Variants in DAPK1 observed in about 807,000 individuals in gnomAD.
DAPK1 encodes death associated protein kinase 1, also known as death-associated protein kinase 1.
DAPK1 carries 56 observed loss-of-function variants against 144.9 expected under a neutral mutation model. The observed-to-expected ratio is 0.39, with a 90% CI of 0.31 to 0.48. DAPK1 has a LOEUF of 0.48. Ranked by LOEUF, DAPK1 falls within the 20% of genes least tolerant of loss-of-function variation. The pLI is 0.95. For synonymous variants in DAPK1, 690 were observed against 749.0 expected, an observed-to-expected ratio of 0.92 and a Z score of 1.29; for missense variants, 1,454 against 1,875.4, an observed-to-expected ratio of 0.78 and a Z score of 4.15.
intron 2 of DAPK1, among the ~76,000 whole-genome samples, chr9:87,566,878 C>G (rs887786705): frequency 6.6e-6 from 1 of 152,162 alleles, no homozygotes; most frequent in Non-Finnish European, 1.5e-5. Context: ...AATTTTATCA[C>G]AGCATACAGG....
chr9:87,500,916 T>C (rs1395747147), intron 2 of DAPK1, among the ~76,000 whole-genome samples: 1 of 152,218 alleles, frequency 6.6e-6, no homozygotes, highest in Non-Finnish European at 1.5e-5. Context: ...AAAAATGAAA[T>C]GTACAGACTC....
intron 2 of DAPK1, among the ~76,000 whole-genome samples, chr9:87,502,048 C>T (rs1337564254): frequency 6.6e-6 from 1 of 152,124 alleles, no homozygotes; most frequent in Non-Finnish European, 1.5e-5. Context: ...TAGATATTAT[C>T]TGTAGACTGG....
chr9:87,544,902 AG>A (rs1826184722), intron 2 of DAPK1, among the ~76,000 whole-genome samples: 2 of 152,318 alleles, frequency 1.3e-5, no homozygotes, highest in South Asian at 4.1e-4. Flanking sequence ...CAGCAAGGTG[AG>A]GTAGGGACAC....
chr9:87,702,961 C>T, intron 24 of DAPK1, 68 bp from the exon 25 acceptor site: 1 of 729,696 alleles, frequency 1.4e-6, no homozygotes, highest in Admixed American at 1.9e-5. Context: ...GTGTCCTTTC[C>T]ACTGTGGCTC....
chr9:87,544,771 CA>C (rs1826179283), intron 2 of DAPK1, among the ~76,000 whole-genome samples: 1 of 152,104 alleles, frequency 6.6e-6, no homozygotes, highest in African/African-American at 2.4e-5. Context: ...TTTTAAAAGG[CA>C]TGTTTAAGAC....
At chr9:87,586,203 A>T (rs887664490) in intron 2 of DAPK1, among the ~76,000 whole-genome samples, 1 of 152,142 alleles carries the variant, frequency 6.6e-6, no homozygotes, top group Non-Finnish European at 1.5e-5. Context: ...TGGGAGGATT[A>T]CTTGAGCCCA....
At chr9:87,640,997 C>T (rs1830075153) in intron 9 of DAPK1, 150 bp downstream of exon 9, 1 of 781,436 alleles carries the variant, frequency 1.3e-6, no homozygotes, top group Non-Finnish European at 2.2e-6. Context: ...GAAAAGCTGA[C>T]AGGTTAGACT....
At chr9:87,652,300 A>C (rs1205598053) in intron 17 of DAPK1, among the ~76,000 whole-genome samples, 6 of 111,282 alleles carry the variant, frequency 5.4e-5, no homozygotes, top group East Asian at 3.3e-4. Flanking sequence ...GTGTCCTCCC[A>C]CCTGATCCCA....
chr9:87,662,559 A>AGTTTTGTTTTT (rs577502732), intron 18 of DAPK1, among the ~76,000 whole-genome samples: 1 of 25,560 alleles, frequency 3.9e-5, no homozygotes, highest in African/African-American at 9.5e-5. Flanking sequence ...ATATATTCCT[A>AGTTTTGTTTTT]GTTTTTTTTT....
Position 87,585,731 on chromosome 9 carries a change from A to G in DAPK1, c.63-19223A>G, listed in dbSNP as rs549945397. On this transcript the variant is annotated intron_variant, in intron 2 of 25. Coordinates refer to ENST00000408954, the MANE Select transcript of DAPK1 (RefSeq NM_004938.4). Reference sequence around the variant, plus strand: ...TATATTATAGCTATAAAATTAGCCTAAAGCTGTGCTGTTTGACATGACAGC... The same window carrying G: ...TATATTATAGCTATAAAATTAGCCTGAAGCTGTGCTGTTTGACATGACAGC... Among the ~76,000 whole-genome samples the G allele has an allele frequency of 1.4e-3, 209 of 152,340 alleles. 1 individual carries two copies. The highest frequency in any genetic ancestry group is 4.7e-3 in the African/African-American group (195 of 41,586).
intron 3 of DAPK1, among the ~76,000 whole-genome samples, chr9:87,614,315 CT>C (rs1381270721): frequency 1.3e-5 from 2 of 152,172 alleles, no homozygotes; most frequent in Admixed American, 6.5e-5. Flanking sequence ...ATAGTCATAA[CT>C]TTAGTATCTG....
At chr9:87,607,052 T>C (rs1828758344) in intron 3 of DAPK1, among the ~76,000 whole-genome samples, 2 of 151,096 alleles carry the variant, frequency 1.3e-5, no homozygotes, top group Non-Finnish European at 2.9e-5. Flanking sequence ...GCTTCCCCTG[T>C]ACCCTCCCAC....
chr9:87,664,090 G>GT (rs1195415888), intron 18 of DAPK1, among the ~76,000 whole-genome samples: 1 of 151,896 alleles, frequency 6.6e-6, no homozygotes, highest in African/African-American at 2.4e-5. Context: ...CCAGCCCCAC[G>GT]TTTATCTTTC....
At chr9:87,610,962 T>A (rs915761403) in intron 3 of DAPK1, among the ~76,000 whole-genome samples, 2 of 138,024 alleles carry the variant, frequency 1.4e-5, no homozygotes, top group Non-Finnish European at 3.2e-5. Context: ...AAGCACATAC[T>A]TTATCTAGCA....
At position 87,639,661 on chromosome 9, in the gene DAPK1, G is replaced by A. The variant is rs758185811; in HGVS notation, c.565G>A (p.Val189Ile). 7.4e-6 allele frequency: 12 copies of A among 1,614,164 alleles called. No homozygotes were observed. In the East Asian group the frequency reaches 2.2e-4, roughly 30 times the overall value. Residue 189 changes from valine (V) to isoleucine (I), a missense_variant, in exon 6 of 26, where the codon GTC (valine) becomes ATC (isoleucine). This residue lies in a region of DAPK1 where 429 missense variants were observed against 637.5 expected (regional missense o/e 0.67). Transcript: ENST00000408954. The part of the protein sequence containing the change: ...GTPEFVAPEI[V>I]NYEPLGLEAD... Reference sequence around the variant, plus strand: ...TTGTTTCCTCTTAGCTCCTGAGATAGTCAACTATGAACCTCTTGGTCTTGA... The same window carrying A: ...TTGTTTCCTCTTAGCTCCTGAGATAATCAACTATGAACCTCTTGGTCTTGA...
intron 3 of DAPK1, among the ~76,000 whole-genome samples, chr9:87,613,355 C>T (rs1351628766): frequency 6.6e-6 from 1 of 152,186 alleles, no homozygotes; most frequent in African/African-American, 2.4e-5. Context: ...TATTGAACAA[C>T]TCCTTTTTAG....
chr9:87,706,929 G>T lies in DAPK1; in HGVS notation c.3858G>T (p.Gly1286=), dbSNP rs778799100. ...GCTTCAGCAGCATCATGTGCTTCGGGTGTCACGACGTCTACTCACAGGCCA... is the reference window on the plus strand; with the variant it reads ...GCTTCAGCAGCATCATGTGCTTCGGTTGTCACGACGTCTACTCACAGGCCA... The part of the protein sequence containing the change: ...KESFSSIMCF[G]CHDVYSQASL... The change falls in exon 26 of 26, where the codon GGG becomes GGT. Residue 1286 remains glycine, a synonymous_variant. Transcript: ENST00000408954. This position sits in a 1 kb window ranked among gnomAD's most constrained non-coding sequence, Gnocchi z 9.0. The T allele has an allele frequency of 6.2e-7, 1 of 1,613,708 alleles. No individual in the cohort carries two copies. Among genetic ancestry groups the T allele is most frequent in the Non-Finnish European group, 8.5e-7 (1 of 1,179,906 alleles).
chr9:87,564,942 G>C (rs10125818), intron 2 of DAPK1, among the ~76,000 whole-genome samples: 102,847 of 152,060 alleles, frequency 0.68, 36,437 homozygotes, highest in African/African-American at 0.89. Context: ...TGAAGAGGAA[G>C]AGCTGATAGC....
At chr9:87,682,366 G>A (rs971973862) in intron 20 of DAPK1, among the ~76,000 whole-genome samples, 7 of 152,302 alleles carry the variant, frequency 4.6e-5, no homozygotes, top group African/African-American at 1.2e-4. Flanking sequence ...TAGACAGAGC[G>A]AGTGAGTTTG....
Sources: allele counts gnomAD v4.1 joint callset (sites outside exome capture counted in the v4.1 genomes callset), GRCh38; gene constraint gnomAD v4.1.1; regional missense constraint gnomAD v4.1.1; non-coding constraint Gnocchi (gnomAD v3.1); transcripts MANE v1.5; gene names NCBI Gene and HGNC (gene_info 2026-07-23, HGNC 2026-07-21).